The following TMTC4 variants were observed in gnomAD, a reference collection of about 807,000 sequenced individuals.
The protein encoded by TMTC4 is protein O-mannosyl-transferase TMTC4.
TMTC4 carries 65 observed loss-of-function variants against 86.0 expected under a neutral mutation model. The ratio of observed to expected loss-of-function variants is 0.76; its 90% CI spans 0.62 to 0.93. The LOEUF is 0.93. TMTC4 is among the 40% of genes least tolerant of loss of function. The probability of loss-of-function intolerance (pLI) is 0.00; values close to 1 mark genes in which losing one functional copy is unlikely to be tolerated. For missense variants in TMTC4, 866 were observed against 948.1 expected (o/e 0.91, Z 1.14); for synonymous variants, 379 against 382.5 (o/e 0.99, Z 0.11).
At chr13:100,629,408 C>T (rs964993566) in intron 12 of TMTC4, among the ~76,000 whole-genome samples, 4 of 152,092 alleles carry the variant, frequency 2.6e-5, no homozygotes, top group African/African-American at 7.2e-5. Context: ...GCGGTCTTTC[C>T]TCACGGTGGC....
chr13:100,646,873 T>C (rs1226318422), intron 6 of TMTC4, among the ~76,000 whole-genome samples: 1 of 152,228 alleles, frequency 6.6e-6, no homozygotes, highest in Non-Finnish European at 1.5e-5. Flanking sequence ...ATTTATTGTT[T>C]CATGTGGGCA....
At chr13:100,619,637 T>C (rs1419068132) in intron 15 of TMTC4, among the ~76,000 whole-genome samples, 1 of 133,500 alleles carries the variant, frequency 7.5e-6, no homozygotes, top group East Asian at 2.3e-4. Context: ...TATGGAAACA[T>C]TTATGAACAT....
At chr13:100,606,279 A>G in intron 18 of TMTC4, 79 bp downstream of exon 18, 10 of 1,240,912 alleles carry the variant, frequency 8.1e-6, no homozygotes, top group Non-Finnish European at 1.2e-5. Context: ...TACTCTCCCA[A>G]CATTAATTTT....
At chr13:100,666,062 G>C in intron 3 of TMTC4, 1 of 456,600 alleles carries the variant, frequency 2.2e-6, no homozygotes, top group South Asian at 1.5e-5. Flanking sequence ...GAACACCAAC[G>C]AGGTTCTAAA....
At position 100,635,126 on chromosome 13, in the gene TMTC4, C is replaced by T. The variant is rs1269948530; in HGVS notation, c.1272G>A (p.Val424=). ...FLPASNLFFR[V]GFVVAERVLY... ...GGACACGCTCTGCGACCACGAAGCCCACTCGGAAGAACAGGTTACTCGCGG... is the reference window on the plus strand; with the variant it reads ...GGACACGCTCTGCGACCACGAAGCCTACTCGGAAGAACAGGTTACTCGCGG... Residue 424 remains valine, a synonymous_variant, in exon 11 of 19, where the codon GTG becomes GTA. Transcript: ENST00000342624. The T allele has an allele frequency of 2.5e-6, 4 of 1,614,078 alleles. No individual in the cohort carries two copies. The highest frequency in any genetic ancestry group is 3.4e-6 in the Non-Finnish European group (4 of 1,179,998).
At chr13:100,628,375 TTC>T (rs10548753) in intron 12 of TMTC4, among the ~76,000 whole-genome samples, 19,855 of 152,146 alleles carry the variant, frequency 0.13, 1,439 homozygotes, top group Middle Eastern at 0.19. Flanking sequence ...GTACACCACA[TTC>T]TGTTTGTCCA....
rs1264902574 is a variant in TMTC4, at chr13:100,612,437, G to C, written c.2025C>G (p.Phe675Leu). The change falls in exon 17 of 19, where the codon TTC (phenylalanine) becomes TTG (leucine). Residue 675 changes from phenylalanine to leucine, a missense_variant. Phe to Leu is a conservative substitution (Grantham distance 22). Coordinates refer to ENST00000342624, the MANE Select transcript of TMTC4 (RefSeq NM_032813.5). ...ELIPNDHSLM[F>L]SLANVLGKSQ... ...ATTTCCCCAGCACGTTTGCCAACGA[G>C]AACATGAGAGAGTGATCATTAGGTA... is the stretch of plus-strand genomic sequence containing the variant. The C allele has an allele frequency of 6.2e-7, 1 of 1,610,938 alleles. No individual in the cohort carries two copies. Among genetic ancestry groups the C allele is most frequent in the East Asian group, 2.2e-5 (1 of 44,648 alleles).
chr13:100,619,207 C>T (rs1382743163), intron 15 of TMTC4, among the ~76,000 whole-genome samples: 2 of 152,142 alleles, frequency 1.3e-5, no homozygotes, highest in South Asian at 2.1e-4. Context: ...GGCGGCCGGC[C>T]GGGCAGAGGG....
Position 100,609,680 on chromosome 13 carries a change from T to TACACACAC in TMTC4, c.2064+2710_2064+2717dup, listed in dbSNP as rs60083702. ...TGAATGCTCACTAAATGTATATATA[T>TACACACAC]ACACACACACACACACACACACCCA... On this transcript the variant is annotated intron_variant, in intron 17 of 18. Transcript: ENST00000342624. 2.0e-3 allele frequency among the ~76,000 whole-genome samples: 296 copies of TACACACAC among 150,832 alleles called. 4 individuals are homozygous for TACACACAC. The East Asian group carries it at 0.034, about 17-fold the overall frequency.
intron 15 of TMTC4, among the ~76,000 whole-genome samples, chr13:100,619,473 G>A (rs1879156317): frequency 6.6e-6 from 1 of 152,146 alleles, no homozygotes; most frequent in South Asian, 2.1e-4. Flanking sequence ...TCTGCAAAAA[G>A]TACAAATGAT....
At position 100,656,461 on chromosome 13, in the gene TMTC4, C is replaced by A; in HGVS notation, c.560G>T (p.Gly187Val). 1 of 1,594,744 alleles carries A rather than the reference C, an allele frequency of 6.3e-7. No homozygotes were observed. Among genetic ancestry groups the A allele is most frequent in the Non-Finnish European group, 8.5e-7 (1 of 1,170,142 alleles). ...CAGGAGGTCTGCACGGCCGACAACA[C>A]CAGCAACCTTAAAAAAGGGGGAAGA... ...VHPVHTECVAGVVGRADLLCA... is the reference protein window; with the variant it reads ...VHPVHTECVAVVVGRADLLCA... Residue 187 changes from glycine to valine, a missense_variant, in exon 6 of 19, where the codon GGT becomes GTT. Coordinates refer to ENST00000342624, the MANE Select transcript of TMTC4 (RefSeq NM_032813.5).
At chr13:100,660,704 A>G (rs1004129291) in intron 5 of TMTC4, among the ~76,000 whole-genome samples, 1 of 146,758 alleles carries the variant, frequency 6.8e-6, no homozygotes, top group Non-Finnish European at 1.5e-5. Context: ...CCCAGGCTGG[A>G]GTGCAGTGGC....
intron 1 of TMTC4, among the ~76,000 whole-genome samples, chr13:100,671,967 G>A (rs767259499): frequency 6.6e-6 from 1 of 151,828 alleles, no homozygotes; most frequent in African/African-American, 2.4e-5. Context: ...CTCTGGTGAC[G>A]GACAAACCTG....
Position 100,669,034 on chromosome 13 carries a change from C to A in TMTC4, c.4-240G>T, listed in dbSNP as rs77695702. On this transcript the variant is annotated intron_variant, in intron 2 of 18. Transcript: ENST00000342624. Reference sequence around the variant, plus strand: ...ATCAGATGCCCTTTGGTTTCTGATGCCAGAATATCGTTTAGAAATACGAAT... The same window carrying A: ...ATCAGATGCCCTTTGGTTTCTGATGACAGAATATCGTTTAGAAATACGAAT... Among the ~76,000 whole-genome samples the A allele has an allele frequency of 5.8e-3, 884 of 152,252 alleles. 13 individuals carry two copies. The highest frequency in any genetic ancestry group is 0.02 in the East Asian group (101 of 5,176).
At chr13:100,666,903 T>C (rs1418345360) in intron 3 of TMTC4, among the ~76,000 whole-genome samples, 4 of 151,938 alleles carry the variant, frequency 2.6e-5, no homozygotes, top group Non-Finnish European at 5.9e-5. Flanking sequence ...GATGGGAGGA[T>C]GGCTTGAGCC....
chr13:100,646,090 C>T (rs1883703362), intron 6 of TMTC4, among the ~76,000 whole-genome samples: 1 of 152,086 alleles, frequency 6.6e-6, no homozygotes, highest in Non-Finnish European at 1.5e-5. Flanking sequence ...AGACTCAGGC[C>T]CCACTGAGAT....
chr13:100,643,774 T>C (rs1047622151), intron 6 of TMTC4, among the ~76,000 whole-genome samples: 2 of 152,202 alleles, frequency 1.3e-5, no homozygotes, highest in African/African-American at 4.8e-5. Context: ...ATGTTTGTGG[T>C]ACTTGGGTCA....
rs962314276 is a variant in TMTC4 at position 100,638,020 on chromosome 13, A to G, written c.744T>C (p.Gly248=). 2 of 1,613,342 alleles carry G rather than the reference A, an allele frequency of 1.2e-6. No homozygotes were observed. Among genetic ancestry groups the G allele is most frequent in the African/African-American group, 1.3e-5 (1 of 74,982 alleles). The change falls in exon 8 of 19, where the codon GGT becomes GGC. Residue 248 remains glycine, a splice_region_variant and synonymous_variant. Coordinates refer to ENST00000342624, the MANE Select transcript of TMTC4 (RefSeq NM_032813.5). The stretch of plus-strand genomic sequence containing the variant: ...CCAAGATGTCAAATACCGCATTTAA[A>G]CCCTAAGAAAGCAAAGCAAGACAAT... The part of the protein sequence containing the change: ...LCKEQGITVL[G]LNAVFDILVI...
chr13:100,666,291 C>A (rs1886389841), intron 3 of TMTC4, among the ~76,000 whole-genome samples: 1 of 152,194 alleles, frequency 6.6e-6, no homozygotes, highest in African/African-American at 2.4e-5. Context: ...CCAGTAACAG[C>A]CTGTTTCACA....
Sources: gnomAD v4.1 joint callset for allele counts (sites outside exome capture counted in the v4.1 genomes callset) on GRCh38, gnomAD v4.1.1 for gene constraint, MANE v1.5 for transcripts, NCBI Gene and HGNC (gene_info 2026-07-23, HGNC 2026-07-21) for gene names.